The following COBL variants were observed in gnomAD, a reference collection of about 807,000 sequenced individuals.
COBL encodes the protein protein cordon-bleu.
Under a neutral mutation model 98.8 loss-of-function variants are expected in COBL, and 51 were observed. The observed-to-expected ratio is 0.52, with a 90% CI of 0.41 to 0.65. COBL has a LOEUF of 0.65. Among genes scored for constraint, COBL ranks in the 30% least tolerant of loss-of-function variants. The pLI is 0.00. For missense variants in COBL, 1,617 were observed against 1,617.5 expected (o/e 1.00, Z 0.01); for synonymous variants, 634 against 651.7 (o/e 0.97, Z 0.41).
At position 51,149,025 on chromosome 7, in the gene COBL, C is replaced by T. The variant is rs74371912; in HGVS notation, c.784-12694G>A. ...CCTATTTCTGGGTGGTGTGGTTTTCCAAGTTCCTGAGACATCCTCTATGTC... is the reference window on the plus strand; with the variant it reads ...CCTATTTCTGGGTGGTGTGGTTTTCTAAGTTCCTGAGACATCCTCTATGTC... On this transcript the variant is annotated intron_variant, in intron 5 of 12. Coordinates refer to ENST00000265136, the MANE Select transcript of COBL (RefSeq NM_015198.5). Among the ~76,000 whole-genome samples the T allele has an allele frequency of 7.4e-3, 1,130 of 152,272 alleles. 12 individuals carry two copies. Among genetic ancestry groups the T allele is most frequent in the African/African-American group, 0.026 (1,074 of 41,552 alleles).
intron 4 of COBL, chr7:51,187,850 T>C: frequency 8.5e-7 from 1 of 1,181,380 alleles, no homozygotes; most frequent in East Asian, 3.2e-5. Flanking sequence ...TGTGCAGCTC[T>C]GACCCCAGAG....
rs753823896 is a variant in COBL, at chr7:51,027,824, G to C, written c.3272C>G (p.Pro1091Arg). 6.2e-7 allele frequency: 1 copy of C among 1,614,156 alleles called. No individual in the cohort carries two copies. The highest frequency in any genetic ancestry group is 1.3e-5 in the African/African-American group (1 of 75,022). The change falls in exon 10 of 13, where the codon CCG (proline) becomes CGG (arginine). Residue 1091 changes from proline to arginine, a missense_variant. By Grantham distance (103) the Pro-to-Arg change is moderately radical. Around this residue, in one of 3 missense-constraint regions of COBL, gnomAD observed 1,304 missense variants for 1,282.0 expected, o/e 1.02. Transcript: ENST00000265136. ...DSIWPPSIFG[P>R]KKKFKPVVQR... is the part of the protein sequence containing the mutation. ...GACAACAGGTTTGAATTTTTTCTTC[G>C]GCCCAAAAATGCTGGGTGGCCAAAT...
chr7:51,078,488 A>T (rs1427586973), intron 7 of COBL, among the ~76,000 whole-genome samples: 1 of 152,208 alleles, frequency 6.6e-6, no homozygotes, highest in Non-Finnish European at 1.5e-5. Flanking sequence ...CCACTCTGGG[A>T]TTCCTGTTCC....
At chr7:51,033,549 A>G (rs1788352261) in intron 8 of COBL, 1 of 152,274 alleles carries the variant, frequency 6.6e-6, no homozygotes, top group Non-Finnish European at 1.5e-5. Flanking sequence ...TGATTTAAAA[A>G]TAGCAAATAC....
At chr7:51,286,629 T>C (rs747646932) in intron 1 of COBL, among the ~76,000 whole-genome samples, 2 of 152,148 alleles carry the variant, frequency 1.3e-5, no homozygotes, top group Admixed American at 6.5e-5. Context: ...GGTGAGACTG[T>C]AGAGAAAGGG....
chr7:51,037,689 T>A (rs796783799), intron 8 of COBL, among the ~76,000 whole-genome samples: 3 of 152,320 alleles, frequency 2.0e-5, no homozygotes, highest in African/African-American at 7.2e-5. Context: ...CTTCACTGGC[T>A]GTACTATGTT....
chr7:51,104,105 A>C (rs1473637288), intron 6 of COBL, among the ~76,000 whole-genome samples: 2 of 152,252 alleles, frequency 1.3e-5, no homozygotes, highest in Non-Finnish European at 2.9e-5. Flanking sequence ...TGCTTAAGTA[A>C]TTTCTTAAAA....
At chr7:51,285,086 A>T (rs1258244772) in intron 1 of COBL, among the ~76,000 whole-genome samples, 2 of 151,884 alleles carry the variant, frequency 1.3e-5, no homozygotes, top group Admixed American at 6.6e-5. Context: ...AGCTGGGAAA[A>T]CAGGAGCGTG....
At chr7:51,287,924 G>T (rs953842665) in intron 1 of COBL, among the ~76,000 whole-genome samples, 3 of 152,180 alleles carry the variant, frequency 2.0e-5, no homozygotes, top group Non-Finnish European at 4.4e-5. Flanking sequence ...AAAGAGGTTA[G>T]GTTATACCCT....
intron 5 of COBL, among the ~76,000 whole-genome samples, chr7:51,144,001 TTA>T (rs1784798241): frequency 6.6e-6 from 1 of 152,190 alleles, no homozygotes; most frequent in African/African-American, 2.4e-5. Flanking sequence ...ACATAATTTA[TTA>T]TCCAAAATAG....
intron 6 of COBL, among the ~76,000 whole-genome samples, chr7:51,135,697 T>C (rs1799166465): frequency 6.6e-6 from 1 of 152,208 alleles, no homozygotes; most frequent in Non-Finnish European, 1.5e-5. Flanking sequence ...GCAACTGGGC[T>C]AGGCCACATG....
intron 6 of COBL, among the ~76,000 whole-genome samples, chr7:51,123,351 A>G (rs928576920): frequency 1.3e-5 from 2 of 152,212 alleles, no homozygotes; most frequent in East Asian, 3.8e-4. Flanking sequence ...TGATGAAGTT[A>G]ACCCCATTTA....
intron 7 of COBL, among the ~76,000 whole-genome samples, chr7:51,050,144 T>C (rs574655314): frequency 6.6e-6 from 1 of 152,298 alleles, no homozygotes; most frequent in Non-Finnish European, 1.5e-5. Context: ...CACACACACA[T>C]TTTTATCTTT....
intron 5 of COBL, among the ~76,000 whole-genome samples, chr7:51,160,000 C>T (rs1477351061): frequency 6.6e-6 from 1 of 152,172 alleles, no homozygotes; most frequent in African/African-American, 2.4e-5. Flanking sequence ...TCAAGTGATT[C>T]TCCTGCCTCA....
chr7:51,161,114 G>A (rs1447479873), intron 5 of COBL, among the ~76,000 whole-genome samples: 1 of 152,136 alleles, frequency 6.6e-6, no homozygotes, highest in Non-Finnish European at 1.5e-5. Flanking sequence ...ACATTTTCCT[G>A]TTCTCAACTG....
intron 5 of COBL, among the ~76,000 whole-genome samples, chr7:51,151,032 T>C (rs916253745): frequency 4.0e-5 from 6 of 151,874 alleles, no homozygotes; most frequent in Middle Eastern, 3.4e-3. Flanking sequence ...CCTCTGACCA[T>C]GGTCAGGGCA....
At chr7:51,256,942 C>T (rs1281842892) in intron 1 of COBL, among the ~76,000 whole-genome samples, 2 of 152,122 alleles carry the variant, frequency 1.3e-5, no homozygotes, top group Non-Finnish European at 2.9e-5. Flanking sequence ...TTTCCTTACT[C>T]ATTTATTATA....
chr7:51,032,677 T>C (rs1484936150), intron 8 of COBL: 1 of 152,234 alleles, frequency 6.6e-6, no homozygotes, highest in African/African-American at 2.4e-5. Flanking sequence ...TGTGTGTGCA[T>C]GTGGACCCAT....
intron 5 of COBL, among the ~76,000 whole-genome samples, chr7:51,170,746 G>A (rs1787797633): frequency 1.3e-5 from 2 of 151,976 alleles, no homozygotes; most frequent in South Asian, 4.1e-4. Context: ...CACAGAAGTA[G>A]AGAGAAGCTG....
Sources: allele counts gnomAD v4.1 joint callset (sites outside exome capture counted in the v4.1 genomes callset), GRCh38; gene constraint gnomAD v4.1.1; regional missense constraint gnomAD v4.1.1; transcripts MANE v1.5; gene names NCBI Gene and HGNC (gene_info 2026-07-23, HGNC 2026-07-21).